USP33: variants seen among roughly 807,000 people sequenced by gnomAD.
The protein encoded by USP33 is ubiquitin specific peptidase 33.
A neutral mutation model predicts 124.2 loss-of-function variants in USP33; 46 were observed. That is an observed-to-expected ratio of 0.37 (90% confidence interval 0.29 to 0.47). USP33 has a LOEUF of 0.47. Among genes scored for constraint, USP33 ranks in the 20% least tolerant of loss-of-function variants. The pLI is 0.99. For missense variants in USP33, 851 were observed against 1,070.6 expected, an observed-to-expected ratio of 0.79 and a Z score of 2.86; for synonymous variants, 350 against 352.3, an observed-to-expected ratio of 0.99 and a Z score of 0.07.
chr1:77,734,698 T>C (rs1678219602), intron 6 of USP33, among the ~76,000 whole-genome samples: 2 of 152,246 alleles, frequency 1.3e-5, no homozygotes, highest in Admixed American at 1.3e-4. Flanking sequence ...AAGCATTAAT[T>C]GAGACTTTTA....
At chr1:77,743,612 C>G (rs1211059961) in intron 1 of USP33, among the ~76,000 whole-genome samples, 1 of 152,054 alleles carries the variant, frequency 6.6e-6, no homozygotes, top group Non-Finnish European at 1.5e-5. Context: ...GTAGCTACAA[C>G]TACAGGTGCA....
rs994558989 is a variant in USP33 at position 77,726,506 on chromosome 1, C to T, written c.1136-744G>A. On this transcript the variant is annotated intron_variant, in intron 10 of 23. Coordinates refer to ENST00000370794, the MANE Select transcript of USP33 (RefSeq NM_201624.3). The stretch of plus-strand genomic sequence containing the variant: ...CAAAAAAATCTAAAAATTAGCTGGG[C>T]ATGGTGGTGTACACCTGTAGTGCTG... 5.9e-5 allele frequency among the ~76,000 whole-genome samples: 9 copies of T among 151,968 alleles called. No homozygotes were observed. The East Asian group carries it at 1.6e-3, about 26-fold the overall frequency.
At chr1:77,738,876 A>AG (rs1377838942) in intron 5 of USP33, among the ~76,000 whole-genome samples, 1 of 152,196 alleles carries the variant, frequency 6.6e-6, no homozygotes, top group African/African-American at 2.4e-5. Context: ...AGTAATACAA[A>AG]GGGGATGGAG....
At chr1:77,739,463 A>T in intron 4 of USP33, 46 bp from the exon 5 acceptor site, 1 of 1,512,996 alleles carries the variant, frequency 6.6e-7, no homozygotes, top group Non-Finnish European at 8.8e-7. Flanking sequence ...AAAATTACAT[A>T]TACTTGAAAA....
chr1:77,757,572 CTGT>C (rs1476237024), intron 1 of USP33, among the ~76,000 whole-genome samples: 6 of 152,218 alleles, frequency 3.9e-5, no homozygotes, highest in South Asian at 4.1e-4. Flanking sequence ...CTAAATAGAG[CTGT>C]TACTTATTCC....
chr1:77,751,751 C>T (rs189470263), intron 1 of USP33, among the ~76,000 whole-genome samples: 5,909 of 151,830 alleles, frequency 0.039, 255 homozygotes, highest in African/African-American at 0.11. Context: ...TGCAGTGGCG[C>T]GATCTCAGCT....
intron 1 of USP33, among the ~76,000 whole-genome samples, chr1:77,745,053 A>G (rs914346481): frequency 3.3e-5 from 5 of 152,114 alleles, no homozygotes; most frequent in Non-Finnish European, 7.4e-5. Flanking sequence ...ATTGTGTGGG[A>G]GTCTAAGTCT....
At chr1:77,747,240 C>CTTTTTTTTT (rs752560478) in intron 1 of USP33, among the ~76,000 whole-genome samples, 1 of 103,874 alleles carries the variant, frequency 9.6e-6, no homozygotes, top group Non-Finnish European at 2.0e-5. Context: ...GGCTTCTGGG[C>CTTTTTTTTT]TTTTTTTTTT....
At chr1:77,724,570 A>G (rs999266626) in intron 11 of USP33, among the ~76,000 whole-genome samples, 1 of 152,224 alleles carries the variant, frequency 6.6e-6, no homozygotes, top group Non-Finnish European at 1.5e-5. Context: ...CTGGCAGTTT[A>G]ATACAACTAT....
chr1:77,714,847 TTTC>T (rs1408941197), intron 18 of USP33, 64 bp from the exon 19 acceptor site: 77 of 1,527,968 alleles, frequency 5.0e-5, no homozygotes, highest in Middle Eastern at 2.4e-4. Flanking sequence ...TAGATGGATT[TTTC>T]TTCTTATTAG....
chr1:77,720,179 A>C (rs1445148025), intron 15 of USP33: 5 of 411,678 alleles, frequency 1.2e-5, no homozygotes, highest in African/African-American at 6.4e-5. Flanking sequence ...AAAAAAAAAA[A>C]AAAAAAAAAA....
chr1:77,732,126 AC>A (rs747643197), intron 7 of USP33, among the ~76,000 whole-genome samples: 5 of 150,902 alleles, frequency 3.3e-5, no homozygotes, highest in African/African-American at 9.8e-5. Flanking sequence ...AAAAAAAAAA[AC>A]CAGAATTCTG....
Position 77,697,888 on chromosome 1 carries a change from T to C in USP33, c.2553A>G (p.Lys851=). ...PIDNTKIAVT[K]CGNVMLRQGA... ...CTTGCCTAAGCATCACATTACCACATTTAGTGACTGCAATCTTAGTATTGT... is the reference window on the plus strand; with the variant it reads ...CTTGCCTAAGCATCACATTACCACACTTAGTGACTGCAATCTTAGTATTGT... The change falls in exon 23 of 24, where the codon AAA becomes AAG. Residue 851 remains lysine (K), a synonymous_variant. Transcript: ENST00000370794. The C allele has an allele frequency of 6.2e-7, 1 of 1,611,372 alleles. No homozygotes were observed. The highest frequency in any genetic ancestry group is 8.5e-7 in the Non-Finnish European group (1 of 1,179,300).
intron 16 of USP33, 25 bp from the exon 17 acceptor site, chr1:77,718,072 T>C: frequency 6.4e-7 from 1 of 1,554,320 alleles, no homozygotes. Flanking sequence ...AATTCAAAAC[T>C]AATTTGTCAA....
chr1:77,759,686 G>C lies in USP33; in HGVS notation c.-95C>G, dbSNP rs1261142586. ...GGGACCCGCCAGCTCGACCAACAAC[G>C]GCCTGCAGCCGCACCTCCGCAAGCT... is the stretch of plus-strand genomic sequence containing the variant. On this transcript the variant is annotated 5_prime_UTR_variant, in exon 1 of 24. Transcript: ENST00000370794. The C allele has an allele frequency of 2.5e-6, 1 of 398,938 alleles. No homozygotes were observed. Among genetic ancestry groups the C allele is most frequent in the South Asian group, 1.3e-4 (1 of 7,880 alleles). 24.7% of individuals were successfully genotyped at this position (398,938 alleles called of 1,614,324 possible).
At chr1:77,736,359 G>T (rs949576398) in intron 5 of USP33, among the ~76,000 whole-genome samples, 14 of 152,094 alleles carry the variant, frequency 9.2e-5, no homozygotes, top group African/African-American at 3.1e-4. Context: ...TAGCATGTCA[G>T]TCCCGCTTTA....
chr1:77,702,821 G>GAGAAAAACTGATAT (rs974663469), intron 21 of USP33, among the ~76,000 whole-genome samples: 3 of 151,980 alleles, frequency 2.0e-5, no homozygotes, highest in African/African-American at 7.2e-5. Flanking sequence ...ACCCAAGTGA[G>GAGAAAAACTGATAT]AGAAAAACTG....
At chr1:77,742,427 A>C (rs1679230128) in intron 1 of USP33, among the ~76,000 whole-genome samples, 1 of 152,302 alleles carries the variant, frequency 6.6e-6, no homozygotes, top group East Asian at 1.9e-4. Flanking sequence ...TCTGATGACC[A>C]GTGTCTCTAG....
intron 21 of USP33, among the ~76,000 whole-genome samples, chr1:77,709,056 A>G (rs1175835662): frequency 6.6e-6 from 1 of 152,162 alleles, no homozygotes; most frequent in Admixed American, 6.6e-5. Context: ...GCTGAAAGTT[A>G]GTCTTTTCCG....
Sources: allele counts gnomAD v4.1 joint callset (sites outside exome capture counted in the v4.1 genomes callset), GRCh38; gene constraint gnomAD v4.1.1; transcripts MANE v1.5; gene names NCBI Gene and HGNC (gene_info 2026-07-23, HGNC 2026-07-21).